The following COL4A1 variants were observed in gnomAD, a reference collection of about 807,000 sequenced individuals.
COL4A1 encodes collagen type IV alpha 1 chain.
COL4A1 carries 40 observed loss-of-function variants against 216.6 expected under a neutral mutation model. That is an observed-to-expected ratio of 0.18 (90% CI 0.14 to 0.24). The LOEUF is 0.24. Among genes scored for constraint, COL4A1 ranks in the 10% least tolerant of loss-of-function variants. COL4A1 has a pLI of 1.00. For missense variants in COL4A1, 1,628 were observed against 2,196.8 expected (o/e 0.74, Z 5.18); for synonymous variants, 839 against 810.7 (o/e 1.03, Z -0.59).
chr13:110,253,535 A>G (rs1188189379), intron 1 of COL4A1, among the ~76,000 whole-genome samples: 1 of 140,570 alleles, frequency 7.1e-6, no homozygotes, highest in Non-Finnish European at 1.5e-5. Flanking sequence ...AATTATAAGT[A>G]TATATGTATT....
intron 1 of COL4A1, among the ~76,000 whole-genome samples, chr13:110,257,254 G>T (rs532378138): frequency 2.0e-5 from 3 of 152,074 alleles, no homozygotes; most frequent in Non-Finnish European, 4.4e-5. Context: ...ACAGAATAAC[G>T]AACATGTGGA....
intron 1 of COL4A1, among the ~76,000 whole-genome samples, chr13:110,286,288 C>A (rs117156888): frequency 0.023 from 3,481 of 152,290 alleles, 82 homozygotes; most frequent in South Asian, 0.072. Context: ...AGGCCAATAA[C>A]CATCTGGTTT....
intron 1 of COL4A1, among the ~76,000 whole-genome samples, chr13:110,302,057 ACAAGG>A (rs1326193955): frequency 6.6e-6 from 1 of 152,194 alleles, no homozygotes; most frequent in Non-Finnish European, 1.5e-5. Context: ...TGATCCTGGC[ACAAGG>A]CAAAGAGAGC....
intron 49 of COL4A1, among the ~76,000 whole-genome samples, chr13:110,158,320 T>C (rs1404838538): frequency 6.6e-6 from 1 of 152,264 alleles, no homozygotes; most frequent in Admixed American, 6.5e-5. Flanking sequence ...GGAGGCACCT[T>C]CCAGCCCTCT....
chr13:110,247,394 C>T (rs1353967843), intron 1 of COL4A1, among the ~76,000 whole-genome samples: 1 of 152,136 alleles, frequency 6.6e-6, no homozygotes, highest in African/African-American at 2.4e-5. Flanking sequence ...AATCCCTAAA[C>T]CAAATATCTT....
intron 50 of COL4A1, among the ~76,000 whole-genome samples, chr13:110,153,773 C>A (rs1170553395): frequency 6.6e-6 from 1 of 152,192 alleles, no homozygotes; most frequent in Non-Finnish European, 1.5e-5. Context: ...CAAACTTGTA[C>A]ACGTGCACGA....
intron 29 of COL4A1, 124 bp from the exon 30 acceptor site, chr13:110,179,545 C>T: frequency 7.2e-7 from 1 of 1,397,884 alleles, no homozygotes; most frequent in Middle Eastern, 1.8e-4. Flanking sequence ...ATTATCTGCT[C>T]AACCCTTTTC....
At chr13:110,152,224 G>A (rs2138417273) in intron 51 of COL4A1, 110 bp downstream of exon 51, 1 of 1,518,360 alleles carries the variant, frequency 6.6e-7, no homozygotes, top group Non-Finnish European at 8.9e-7. Context: ...AATATTCATT[G>A]CTAACCATCT....
chr13:110,284,943 A>G (rs1427366894), intron 1 of COL4A1, among the ~76,000 whole-genome samples: 2 of 152,234 alleles, frequency 1.3e-5, no homozygotes, highest in Non-Finnish European at 2.9e-5. Context: ...GCCCTTGGGA[A>G]AGCTGATGGT....
intron 1 of COL4A1, among the ~76,000 whole-genome samples, chr13:110,258,919 A>C (rs189471645): frequency 2.0e-4 from 31 of 152,364 alleles, no homozygotes; most frequent in African/African-American, 7.0e-4. Flanking sequence ...TACATGTATG[A>C]TAGATATATG....
At chr13:110,179,537 T>C (rs1213670835) in intron 29 of COL4A1, 116 bp from the exon 30 acceptor site, 3 of 1,456,412 alleles carry the variant, frequency 2.1e-6, no homozygotes, top group Non-Finnish European at 2.9e-6. Flanking sequence ...GTAAGAATAT[T>C]ATCTGCTCAA....
intron 49 of COL4A1, among the ~76,000 whole-genome samples, chr13:110,156,898 G>A (rs1483040168): frequency 3.3e-5 from 5 of 152,066 alleles, no homozygotes; most frequent in East Asian, 1.9e-4. Flanking sequence ...GTGTATGTGT[G>A]GTGTGTGCAA....
At chr13:110,175,469 C>T (rs1397206053) in intron 36 of COL4A1, 112 bp from the exon 37 acceptor site, 2 of 1,531,560 alleles carry the variant, frequency 1.3e-6, no homozygotes, top group Non-Finnish European at 1.8e-6. Context: ...GTGAATCCCC[C>T]ACAACCAGCC....
chr13:110,229,736 G>T (rs545314161), intron 2 of COL4A1, among the ~76,000 whole-genome samples: 4 of 152,334 alleles, frequency 2.6e-5, no homozygotes, highest in African/African-American at 4.8e-5. Context: ...CTGGAGCCTT[G>T]ATCTTGGACT....
chr13:110,254,588 T>C (rs1227367067), intron 1 of COL4A1, among the ~76,000 whole-genome samples: 1 of 152,164 alleles, frequency 6.6e-6, no homozygotes, highest in Non-Finnish European at 1.5e-5. Context: ...GACATGCAAC[T>C]CAAAAACAGA....
chr13:110,184,699 TGTGTTTTG>T lies in COL4A1; in HGVS notation c.1898-1431_1898-1424del, dbSNP rs1266113207. Among the ~76,000 whole-genome samples, 106 of 137,538 alleles carry T rather than the reference TGTGTTTTG, an allele frequency of 7.7e-4. 2 individuals are homozygous for T. Among genetic ancestry groups the T allele is most frequent in the Non-Finnish European group, 1.3e-4 (8 of 61,422 alleles). The allele number at this position is 137,538 out of a possible 152,430, so 90.2% of individuals were successfully genotyped here. ...ACTGGACTGTGTGTGTGTGTGTGTGTGTGTTTTGTTTGTTTGTTTGTTTGTTTTTGAGA... is the reference window on the plus strand; with the variant it reads ...ACTGGACTGTGTGTGTGTGTGTGTGTTTTGTTTGTTTGTTTGTTTTTGAGA... On this transcript the variant is annotated intron_variant, in intron 26 of 51. Transcript: ENST00000375820.
At chr13:110,183,673 G>A (rs1878279577) in intron 26 of COL4A1, among the ~76,000 whole-genome samples, 1 of 152,196 alleles carries the variant, frequency 6.6e-6, no homozygotes, top group African/African-American at 2.4e-5. Flanking sequence ...AGTCTAAGTT[G>A]CTTTGAGATT....
intron 1 of COL4A1, among the ~76,000 whole-genome samples, chr13:110,249,390 C>T (rs868171332): frequency 1.2e-4 from 18 of 152,114 alleles, no homozygotes; most frequent in African/African-American, 3.6e-4. Context: ...TATCCACAAT[C>T]GCCCCAGCTG....
intron 1 of COL4A1, among the ~76,000 whole-genome samples, chr13:110,271,002 C>A (rs554476531): frequency 1.3e-5 from 2 of 152,062 alleles, no homozygotes; most frequent in African/African-American, 2.4e-5. Context: ...AAGACACATG[C>A]GCCAGCTGGA....
Sources: allele counts gnomAD v4.1 joint callset (sites outside exome capture counted in the v4.1 genomes callset), GRCh38; gene constraint gnomAD v4.1.1; transcripts MANE v1.5; gene names NCBI Gene and HGNC (gene_info 2026-07-23, HGNC 2026-07-21).